The following CFAP299 variants were observed in gnomAD, a reference collection of about 807,000 sequenced individuals.
CFAP299 encodes the protein cilia- and flagella-associated protein 299.
CFAP299 carries 21 observed loss-of-function variants against 27.0 expected under a neutral mutation model. The ratio of observed to expected loss-of-function variants is 0.78; its 90% CI spans 0.55 to 1.12. The LOEUF (loss-of-function observed/expected upper bound fraction) is 1.12, where lower values mean the gene tolerates loss of function less well. Among genes scored for constraint, CFAP299 ranks in the 50% most tolerant of loss-of-function variants. The probability of loss-of-function intolerance (pLI) is 0.00; values close to 1 mark genes in which losing one functional copy is unlikely to be tolerated. For synonymous variants in CFAP299, 104 were observed against 98.1 expected (o/e 1.06, Z -0.36); for missense variants, 310 against 276.6 (o/e 1.12, Z -0.86).
intron 1 of CFAP299, among the ~76,000 whole-genome samples, chr4:80,344,042 C>A (rs1722602836): frequency 6.6e-6 from 1 of 151,984 alleles, no homozygotes; most frequent in Non-Finnish European, 1.5e-5. Flanking sequence ...CATCAAAAGA[C>A]TAAAAAGATC....
At chr4:80,432,689 C>A (rs11938275) in intron 2 of CFAP299, among the ~76,000 whole-genome samples, 1 of 151,746 alleles carries the variant, frequency 6.6e-6, no homozygotes, top group Non-Finnish European at 1.5e-5. Flanking sequence ...CCCACCACCA[C>A]GCCTGGCTAA....
rs1735733429 is a variant in CFAP299 at position 80,574,180 on chromosome 4, G to T, written c.243-8913G>T. Among the ~76,000 whole-genome samples, 3 of 151,650 alleles carry T rather than the reference G, an allele frequency of 2.0e-5. 1 individual carries two copies. The South Asian group carries it at 6.2e-4, about 32-fold the overall frequency. On this transcript the variant is annotated intron_variant, in intron 2 of 5. Coordinates refer to ENST00000358105, the MANE Select transcript of CFAP299 (RefSeq NM_152770.3). The stretch of plus-strand genomic sequence containing the variant: ...TATTGTAGAGATCCTTCATTTATTT[G>T]GTTAATTCCTAAGTATTTAATTTTG...
intron 4 of CFAP299, among the ~76,000 whole-genome samples, chr4:80,942,242 C>T (rs1337104292): frequency 6.6e-6 from 1 of 152,166 alleles, no homozygotes; most frequent in African/African-American, 2.4e-5. Context: ...TACAGAGCTT[C>T]AGGTAGTGTA....
At chr4:80,893,791 G>A (rs1416305764) in intron 4 of CFAP299, among the ~76,000 whole-genome samples, 2 of 151,870 alleles carry the variant, frequency 1.3e-5, no homozygotes, top group African/African-American at 4.8e-5. Flanking sequence ...AAAAGCTTCT[G>A]TACATTGGTC....
intron 3 of CFAP299, among the ~76,000 whole-genome samples, chr4:80,829,821 G>A (rs532588117): frequency 6.6e-6 from 1 of 152,154 alleles, no homozygotes; most frequent in African/African-American, 2.4e-5. Flanking sequence ...AAATAAGCTA[G>A]TGACAAAAAG....
intron 3 of CFAP299, among the ~76,000 whole-genome samples, chr4:80,864,771 T>C (rs1286546315): frequency 1.3e-5 from 2 of 151,878 alleles, no homozygotes; most frequent in African/African-American, 4.8e-5. Flanking sequence ...ATAGCAACAT[T>C]AATGACAAAA....
At chr4:80,524,765 A>G (rs1451339984) in intron 2 of CFAP299, among the ~76,000 whole-genome samples, 1 of 152,160 alleles carries the variant, frequency 6.6e-6, no homozygotes, top group African/African-American at 2.4e-5. Flanking sequence ...TTGATATGTA[A>G]CAAGTCACCA....
At chr4:80,639,202 A>G (rs1466490087) in intron 3 of CFAP299, among the ~76,000 whole-genome samples, 3 of 152,204 alleles carry the variant, frequency 2.0e-5, no homozygotes. Context: ...TAAGTAAGAC[A>G]CAAATAATTC....
intron 2 of CFAP299, among the ~76,000 whole-genome samples, chr4:80,519,025 G>A (rs1044894189): frequency 2.0e-5 from 3 of 150,388 alleles, no homozygotes; most frequent in Middle Eastern, 6.8e-3. Context: ...AGGCTTGACT[G>A]TAGAAGAGTC....
At chr4:80,524,573 AC>A (rs1733079897) in intron 2 of CFAP299, among the ~76,000 whole-genome samples, 2 of 152,068 alleles carry the variant, frequency 1.3e-5, no homozygotes, top group South Asian at 4.2e-4. Context: ...CATATGTATG[AC>A]TGCCTAATTG....
chr4:80,422,217 C>T (rs961778849), intron 2 of CFAP299, among the ~76,000 whole-genome samples: 3 of 152,094 alleles, frequency 2.0e-5, no homozygotes, highest in African/African-American at 4.8e-5. Flanking sequence ...TTCAGCTATT[C>T]ACCATAGTGT....
At chr4:80,934,446 C>A (rs1237053593) in intron 4 of CFAP299, among the ~76,000 whole-genome samples, 1 of 151,944 alleles carries the variant, frequency 6.6e-6, no homozygotes, top group African/African-American at 2.4e-5. Context: ...GAAATATTCC[C>A]TCCTATTCAA....
At chr4:80,753,031 T>C (rs1351628797) in intron 3 of CFAP299, among the ~76,000 whole-genome samples, 1 of 152,016 alleles carries the variant, frequency 6.6e-6, no homozygotes, top group African/African-American at 2.4e-5. Context: ...AATGCAAATA[T>C]TAAAAAAAAA....
intron 3 of CFAP299, among the ~76,000 whole-genome samples, chr4:80,724,870 C>A (rs1171424748): frequency 1.4e-5 from 2 of 145,174 alleles, no homozygotes; most frequent in East Asian, 4.0e-4. Context: ...TTCCTTCCTT[C>A]TTTCCTTTCT....
At chr4:80,545,029 C>T (rs961941066) in intron 2 of CFAP299, among the ~76,000 whole-genome samples, 3 of 152,082 alleles carry the variant, frequency 2.0e-5, no homozygotes, top group Admixed American at 2.0e-4. Context: ...GACCACAATG[C>T]AATAAAAGTA....
intron 3 of CFAP299, among the ~76,000 whole-genome samples, chr4:80,729,325 G>A (rs961229097): frequency 2.0e-5 from 3 of 152,110 alleles, no homozygotes; most frequent in African/African-American, 7.2e-5. Context: ...CCTCTAAGAT[G>A]GCTCTCAATG....
intron 3 of CFAP299, among the ~76,000 whole-genome samples, chr4:80,614,158 C>T (rs1279477238): frequency 1.3e-5 from 2 of 152,128 alleles, no homozygotes; most frequent in African/African-American, 4.8e-5. Context: ...GATATTTACT[C>T]CAACAGAATG....
intron 1 of CFAP299, among the ~76,000 whole-genome samples, chr4:80,342,240 A>G (rs142512453): frequency 1.4e-3 from 214 of 152,356 alleles, no homozygotes; most frequent in African/African-American, 4.7e-3. Context: ...GTTTGAAAAC[A>G]TACTTCAGGA....
chr4:80,576,777 G>A (rs922242894), intron 2 of CFAP299, among the ~76,000 whole-genome samples: 5 of 152,116 alleles, frequency 3.3e-5, no homozygotes, highest in Non-Finnish European at 7.4e-5. Flanking sequence ...GGCACAGAGA[G>A]GTTGCATTAT....
Sources: gnomAD v4.1 joint callset for allele counts (sites outside exome capture counted in the v4.1 genomes callset) on GRCh38, gnomAD v4.1.1 for gene constraint, MANE v1.5 for transcripts, NCBI Gene and HGNC (gene_info 2026-07-23, HGNC 2026-07-21) for gene names.